The following RIOK3 variants were observed in gnomAD, a reference collection of about 807,000 sequenced individuals.
RIOK3 encodes serine/threonine-protein kinase RIO3.
A neutral mutation model predicts 63.5 loss-of-function variants in RIOK3; 40 were observed. The ratio of observed to expected loss-of-function variants is 0.63; its 90% CI spans 0.49 to 0.82. RIOK3 has a LOEUF of 0.82. Among genes scored for constraint, RIOK3 ranks in the 40% least tolerant of loss-of-function variants. The pLI is 0.00. For synonymous variants in RIOK3, 193 were observed against 205.0 expected (o/e 0.94, Z 0.50); for missense variants, 557 against 637.0 (o/e 0.87, Z 1.35).
chr18:23,458,485 C>T (rs1393580328), intron 1 of RIOK3, among the ~76,000 whole-genome samples: 1 of 152,152 alleles, frequency 6.6e-6, no homozygotes, highest in Non-Finnish European at 1.5e-5. Flanking sequence ...TGGTTAAAAG[C>T]TTGATGGATG....
intron 1 of RIOK3, among the ~76,000 whole-genome samples, chr18:23,461,715 G>T (rs992540535): frequency 1.3e-5 from 2 of 152,130 alleles, no homozygotes; most frequent in Admixed American, 6.5e-5. Flanking sequence ...CACTGAGGAA[G>T]GTCAACTGGG....
rs767167541 is a variant in RIOK3, at chr18:23,479,383, T to G, written c.1411T>G (p.Leu471Val). 1.9e-6 allele frequency: 3 copies of G among 1,613,936 alleles called. No individual in the cohort carries two copies. The highest frequency in any genetic ancestry group is 2.2e-5 in the South Asian group (2 of 91,084). Residue 471 changes from leucine to valine, a missense_variant, in exon 12 of 13, where the codon TTA (leucine) becomes GTA (valine). By Grantham distance (32) the Leu-to-Val change is conservative. Transcript: ENST00000339486. ...AGAACTCTTCAATGCTGTTTCAGGCTTAAACATCACAGCAGATAATGAAGC... is the reference window on the plus strand; with the variant it reads ...AGAACTCTTCAATGCTGTTTCAGGCGTAAACATCACAGCAGATAATGAAGC... The part of the protein sequence containing the change: ...ERELFNAVSG[L>V]NITADNEADF...
rs558017469 is a variant in RIOK3 at position 23,466,244 on chromosome 18, C to T, written c.655C>T (p.Arg219Cys). 1.6e-5 allele frequency: 25 copies of T among 1,609,882 alleles called. No homozygotes were observed. The highest frequency in any genetic ancestry group is 2.2e-5 in the South Asian group (2 of 89,874). ...HAYSEERRSA[R>C]LHEKKEHSTA... Reference sequence around the variant, plus strand: ...CTACTCAGAAGAACGTCGAAGTGCCCGCCTACATGAGAAAAAGGAGCATTC... The same window carrying T: ...CTACTCAGAAGAACGTCGAAGTGCCTGCCTACATGAGAAAAAGGAGCATTC... The change falls in exon 6 of 13, where the codon CGC (arginine) becomes TGC (cysteine). Residue 219 changes from arginine to cysteine, a missense_variant. By Grantham distance (180) the Arg-to-Cys change is radical (BLOSUM62 -3). Around this residue, in one of 3 missense-constraint regions of RIOK3, gnomAD observed 243 missense variants for 275.4 expected, o/e 0.88. Transcript: ENST00000339486.
chr18:23,481,359 A>G lies in RIOK3; in HGVS notation c.*80A>G. On this transcript the variant is annotated 3_prime_UTR_variant, in exon 13 of 13. Transcript: ENST00000339486. Reference sequence around the variant, plus strand: ...GCAAATGAAGTTATGGGTGACTTGAAATACCAAAACCTGAGGAGTGGGCAA... The same window carrying G: ...GCAAATGAAGTTATGGGTGACTTGAGATACCAAAACCTGAGGAGTGGGCAA... 1.1e-6 allele frequency: 1 copy of G among 883,640 alleles called. No homozygotes were observed. Among genetic ancestry groups the G allele is most frequent in the Non-Finnish European group, 1.7e-6 (1 of 575,952 alleles). The allele number at this position is 883,640 out of a possible 1,614,324, so 54.7% of individuals were successfully genotyped here.
chr18:23,456,731 G>GT (rs1483372318), intron 1 of RIOK3, among the ~76,000 whole-genome samples: 2 of 152,174 alleles, frequency 1.3e-5, no homozygotes, highest in Non-Finnish European at 2.9e-5. Flanking sequence ...TTAGTGAACA[G>GT]TATTTTATAT....
rs2057406758 is a variant in RIOK3, at chr18:23,466,239, G to A, written c.650G>A (p.Ser217Asn). ...CATGCCTACTCAGAAGAACGTCGAA[G>A]TGCCCGCCTACATGAGAAAAAGGAG... ...KQHAYSEERR[S>N]ARLHEKKEHS... is the part of the protein sequence containing the mutation. The change falls in exon 6 of 13, where the codon AGT (serine) becomes AAT (asparagine). Residue 217 changes from serine (S) to asparagine (N), a missense_variant. Physicochemically the swap from Ser to Asn is conservative, Grantham distance 46. Around this residue, in one of 3 missense-constraint regions of RIOK3, gnomAD observed 243 missense variants for 275.4 expected, o/e 0.88. Coordinates refer to ENST00000339486, the MANE Select transcript of RIOK3 (RefSeq NM_003831.5). 2 of 1,611,474 alleles carry A rather than the reference G, an allele frequency of 1.2e-6. No individual in the cohort carries two copies. The highest frequency in any genetic ancestry group is 2.2e-5 in the South Asian group (2 of 90,338).
intron 5 of RIOK3, among the ~76,000 whole-genome samples, chr18:23,464,894 T>C (rs996855952): frequency 1.3e-5 from 2 of 152,168 alleles, no homozygotes; most frequent in African/African-American, 4.8e-5. Flanking sequence ...GAAATTAACA[T>C]TTATTCTTCA....
At position 23,463,079 on chromosome 18, in the gene RIOK3, C is replaced by T. The variant is rs200387789; in HGVS notation, c.179C>T (p.Ala60Val). The T allele has an allele frequency of 1.6e-4, 256 of 1,589,758 alleles. No homozygotes were observed. The highest frequency in any genetic ancestry group is 3.5e-4 in the African/African-American group (26 of 74,058). ...EEEAAVFPEV[A>V]VAEGPFITGE... The stretch of plus-strand genomic sequence containing the variant: ...GAAGCTGCCGTTTTTCCTGAAGTTG[C>T]GTAAGTAAAATTCACAAATACTTTA... The change falls in exon 2 of 13, where the codon GCT (alanine) becomes GTT (valine). Residue 60 changes from alanine (A) to valine (V), a missense_variant and splice_region_variant. Coordinates refer to ENST00000339486, the MANE Select transcript of RIOK3 (RefSeq NM_003831.5).
chr18:23,463,019 G>A lies in RIOK3; in HGVS notation c.119G>A (p.Ser40Asn). ...TISCSLADVM[S>N]EQLAKELQLE... ...TCTTGTTCTTTGGCTGATGTAATGA[G>A]TGAACAGCTGGCCAAAGAATTGCAG... The change falls in exon 2 of 13, where the codon AGT becomes AAT. Residue 40 changes from serine (S) to asparagine (N), a missense_variant. Physicochemically the swap from Ser to Asn is conservative, Grantham distance 46. Transcript: ENST00000339486. 1 of 1,609,966 alleles carries A rather than the reference G, an allele frequency of 6.2e-7. No individual in the cohort carries two copies. The highest frequency in any genetic ancestry group is 1.1e-5 in the South Asian group (1 of 90,136).
At chr18:23,454,174 A>T (rs1466964960) in intron 1 of RIOK3, among the ~76,000 whole-genome samples, 2 of 152,186 alleles carry the variant, frequency 1.3e-5, no homozygotes, top group Non-Finnish European at 2.9e-5. Context: ...GGATGAAAAC[A>T]CTTTTCTGCC....
rs367644955 is a variant in RIOK3, at chr18:23,462,979, C to G, written c.79C>G (p.Pro27Ala). 2.5e-5 allele frequency: 39 copies of G among 1,576,998 alleles called. No individual in the cohort carries two copies. Among genetic ancestry groups the G allele is most frequent in the Non-Finnish European group, 3.1e-5 (36 of 1,160,944 alleles). ...TTTTTCATAGTGTCCATGGGCTATT[C>G]CTCAAAATACAATATCTTGTTCTTT... ...WGPSKCPWAI[P>A]QNTISCSLAD... Residue 27 changes from proline (P) to alanine (A), a missense_variant, in exon 2 of 13, where the codon CCT becomes GCT. Around this residue, in one of 3 missense-constraint regions of RIOK3, gnomAD observed 243 missense variants for 275.4 expected, o/e 0.88. Coordinates refer to ENST00000339486, the MANE Select transcript of RIOK3 (RefSeq NM_003831.5).
In RIOK3 at chr18:23,466,203, C is replaced by T. The variant is rs771278691; in HGVS notation, c.614C>T (p.Ala205Val). The part of the protein sequence containing the change: ...DLKLSNHVFN[A>V]LKQHAYSEER... ...AAACTATCAAACCATGTTTTCAATG[C>T]TTTAAAACAACATGCCTACTCAGAA... Residue 205 changes from alanine to valine, a missense_variant, in exon 6 of 13, where the codon GCT becomes GTT. Physicochemically the swap from Ala to Val is moderately conservative, Grantham distance 64. Around this residue, in one of 3 missense-constraint regions of RIOK3, gnomAD observed 243 missense variants for 275.4 expected, o/e 0.88. Transcript: ENST00000339486. 6 of 1,611,602 alleles carry T rather than the reference C, an allele frequency of 3.7e-6. No individual in the cohort carries two copies. In the African/African-American group the frequency reaches 5.3e-5, roughly 14 times the overall value.
intron 2 of RIOK3, 34 bp from the exon 3 acceptor site, chr18:23,463,933 A>G: frequency 6.4e-7 from 1 of 1,563,164 alleles, no homozygotes; most frequent in East Asian, 2.2e-5. Flanking sequence ...ACTTAAGCAC[A>G]TTACATTAGT....
In RIOK3 at chr18:23,476,942, G is replaced by A. The variant is rs1182890697; in HGVS notation, c.1174-64G>A. 3.7e-6 allele frequency: 5 copies of A among 1,357,682 alleles called. No homozygotes were observed. In the East Asian group the frequency reaches 6.9e-5, roughly 19 times the overall value. The allele number at this position is 1,357,682 out of a possible 1,614,324, so 84.1% of individuals were successfully genotyped here. On this transcript the variant is annotated intron_variant, in intron 9 of 12. Transcript: ENST00000339486. ...AAATAAAAAATAAAAAACTTTCAGG[G>A]GTGTCATCATCAATAATACCACTTA...
chr18:23,463,910 G>A, intron 2 of RIOK3, 57 bp from the exon 3 acceptor site: 2 of 1,455,792 alleles, frequency 1.4e-6, no homozygotes, highest in Non-Finnish European at 1.9e-6. Flanking sequence ...CTCATAATTG[G>A]CAACCTCTGT....
chr18:23,463,339 G>T, intron 2 of RIOK3: 1 of 260,326 alleles, frequency 3.8e-6, no homozygotes, highest in Admixed American at 5.4e-5. Context: ...TTGATCAAGT[G>T]TTTGTAGTTT....
chr18:23,459,646 A>G (rs1161708305), intron 1 of RIOK3, among the ~76,000 whole-genome samples: 1 of 152,188 alleles, frequency 6.6e-6, no homozygotes, highest in Non-Finnish European at 1.5e-5. Context: ...GGAATGTGTG[A>G]AGGCATGCAG....
Position 23,481,471 on chromosome 18 carries a change from A to C in RIOK3, c.*192A>C. On this transcript the variant is annotated 3_prime_UTR_variant, in exon 13 of 13. Coordinates refer to ENST00000339486, the MANE Select transcript of RIOK3 (RefSeq NM_003831.5). ...AGCATTGAGAGAATAAAATGTCACT[A>C]CCTCTCATCTTATGAACAGGATAAT... 2.1e-6 allele frequency: 1 copy of C among 478,786 alleles called. No individual in the cohort carries two copies. The highest frequency in any genetic ancestry group is 3.7e-6 in the Non-Finnish European group (1 of 273,106). The allele number at this position is 478,786 out of a possible 1,614,324, so 29.7% of individuals were successfully genotyped here.
chr18:23,464,648 T>G lies in RIOK3; in HGVS notation c.543+20T>G. 3.6e-6 allele frequency: 5 copies of G among 1,399,108 alleles called. No individual in the cohort carries two copies. The highest frequency in any genetic ancestry group is 4.9e-6 in the Non-Finnish European group (5 of 1,016,830). The allele number at this position is 1,399,108 out of a possible 1,614,324, so 86.7% of individuals were successfully genotyped here. A position where few individuals can be genotyped will look rare whatever the true frequency, so the allele number is the denominator to read the frequency against. On this transcript the variant is annotated intron_variant, in intron 5 of 12. Coordinates refer to ENST00000339486, the MANE Select transcript of RIOK3 (RefSeq NM_003831.5). ...GAAAATGTAAGTTACAGAAAGTATCTATCTCTGAATTTAGAGTTTTGTTTG... is the reference window on the plus strand; with the variant it reads ...GAAAATGTAAGTTACAGAAAGTATCGATCTCTGAATTTAGAGTTTTGTTTG...
Sources: allele counts gnomAD v4.1 joint callset (sites outside exome capture counted in the v4.1 genomes callset), GRCh38; gene constraint gnomAD v4.1.1; regional missense constraint gnomAD v4.1.1; transcripts MANE v1.5; gene names NCBI Gene and HGNC (gene_info 2026-07-23, HGNC 2026-07-21).